The following KIAA1328 variants were observed in gnomAD, a reference collection of about 807,000 sequenced individuals.
KIAA1328 encodes KIAA1328.
Under a neutral mutation model 68.1 loss-of-function variants are expected in KIAA1328, and 52 were observed. That is an observed-to-expected ratio of 0.76 (90% CI 0.61 to 0.96). The LOEUF is 0.96. Among genes scored for constraint, KIAA1328 ranks in the 40% least tolerant of loss-of-function variants. The pLI is 0.00. For missense variants in KIAA1328, 641 were observed against 677.6 expected (o/e 0.95, Z 0.60); for synonymous variants, 232 against 239.4 (o/e 0.97, Z 0.28).
intron 9 of KIAA1328, among the ~76,000 whole-genome samples, chr18:37,190,449 A>G (rs2059884673): frequency 6.6e-6 from 1 of 152,184 alleles, no homozygotes; most frequent in African/African-American, 2.4e-5. Flanking sequence ...AGAGGAAGAA[A>G]TGGTTAAATG....
intron 9 of KIAA1328, among the ~76,000 whole-genome samples, chr18:37,216,899 C>CTTTTTTTTTTTTTTTTTTTT (rs762745405): frequency 1.1e-5 from 1 of 90,358 alleles, no homozygotes; most frequent in Non-Finnish European, 2.2e-5. Context: ...TTCTTTGTCT[C>CTTTTTTTTTTTTTTTTTTTT]TTTTTTTTTT....
chr18:37,140,898 G>C (rs2058751376), intron 7 of KIAA1328, among the ~76,000 whole-genome samples: 1 of 152,084 alleles, frequency 6.6e-6, no homozygotes, highest in African/African-American at 2.4e-5. Context: ...TGACAATTAG[G>C]TTTTGACTTT....
At chr18:36,892,977 G>A (rs1033543144) in intron 5 of KIAA1328, among the ~76,000 whole-genome samples, 1 of 151,988 alleles carries the variant, frequency 6.6e-6, no homozygotes, top group African/African-American at 2.4e-5. Flanking sequence ...CTAGGTGACC[G>A]TACCCCAAAC....
chr18:37,065,686 GTTTC>G (rs2056314901), intron 6 of KIAA1328, among the ~76,000 whole-genome samples: 2 of 152,244 alleles, frequency 1.3e-5, no homozygotes, highest in African/African-American at 4.8e-5. Context: ...GTTTGATTAA[GTTTC>G]TTTCTTACAC....
chr18:37,038,825 A>G (rs2055132910), intron 6 of KIAA1328, among the ~76,000 whole-genome samples: 2 of 152,316 alleles, frequency 1.3e-5, no homozygotes, highest in South Asian at 4.1e-4. Context: ...ACTATTAAGT[A>G]CATTAAATGA....
At chr18:36,973,406 T>C (rs1448528454) in intron 6 of KIAA1328, among the ~76,000 whole-genome samples, 1 of 152,084 alleles carries the variant, frequency 6.6e-6, no homozygotes, top group Non-Finnish European at 1.5e-5. Flanking sequence ...CACACAAATA[T>C]GGCACATGTA....
At chr18:36,938,215 A>G (rs2050578190) in intron 5 of KIAA1328, among the ~76,000 whole-genome samples, 1 of 152,132 alleles carries the variant, frequency 6.6e-6, no homozygotes, top group South Asian at 2.1e-4. Flanking sequence ...TACATTCGCA[A>G]GAACAGTTCA....
intron 5 of KIAA1328, among the ~76,000 whole-genome samples, chr18:36,888,619 A>T (rs1251033415): frequency 6.6e-6 from 1 of 152,084 alleles, no homozygotes; most frequent in Non-Finnish European, 1.5e-5. Flanking sequence ...CTTTATTATC[A>T]TGGAAGAAAG....
At position 37,188,619 on chromosome 18, in the gene KIAA1328, C is replaced by T. The variant is rs200738793; in HGVS notation, c.1523+15538C>T. ...GTTTCCCTTTGTTCCTGCTTCAGCG[C>T]TGCTAGAGCTTCATTGCTTTTCCAG... On this transcript the variant is annotated intron_variant, in intron 9 of 9. Transcript: ENST00000280020. Among the ~76,000 whole-genome samples, 17 of 152,320 alleles carry T rather than the reference C, an allele frequency of 1.1e-4. No homozygotes were observed. In the East Asian group the frequency reaches 3.3e-3, roughly 29 times the overall value.
chr18:37,137,313 T>C (rs544175655), intron 7 of KIAA1328, among the ~76,000 whole-genome samples: 1 of 152,144 alleles, frequency 6.6e-6, no homozygotes, highest in Non-Finnish European at 1.5e-5. Flanking sequence ...TCATTCCTTC[T>C]CTTCTGCCTA....
At chr18:37,061,144 A>G (rs1410731803) in intron 6 of KIAA1328, among the ~76,000 whole-genome samples, 2 of 152,224 alleles carry the variant, frequency 1.3e-5, no homozygotes, top group African/African-American at 4.8e-5. Flanking sequence ...AATACTACGC[A>G]GTGATAAAAA....
intron 3 of KIAA1328, among the ~76,000 whole-genome samples, chr18:36,836,540 ATTG>A (rs1345994106): frequency 6.6e-6 from 1 of 152,018 alleles, no homozygotes; most frequent in Admixed American, 6.6e-5. Flanking sequence ...CTTTTTTGAT[ATTG>A]TTGTCATACA....
intron 7 of KIAA1328, among the ~76,000 whole-genome samples, chr18:37,079,505 A>T (rs991000979): frequency 6.6e-6 from 1 of 151,324 alleles, no homozygotes; most frequent in Non-Finnish European, 1.5e-5. Context: ...ATAAAAATAA[A>T]AATAAAAAAA....
At chr18:37,153,818 T>G (rs1362880251) in intron 7 of KIAA1328, among the ~76,000 whole-genome samples, 1 of 150,382 alleles carries the variant, frequency 6.6e-6, no homozygotes, top group Non-Finnish European at 1.5e-5. Flanking sequence ...CAGCCTAGAT[T>G]TTATGGTCTT....
At position 36,959,386 on chromosome 18, in the gene KIAA1328, TC is replaced by T. The variant is rs1185140272; in HGVS notation, c.528del (p.Thr177ProfsTer36). On this transcript the variant is annotated frameshift_variant, in exon 6 of 10. Transcript: ENST00000280020. LOFTEE classifies it high-confidence loss of function. The stretch of plus-strand genomic sequence containing the variant: ...TATTTATCAGAACAACAGGAGAAGC[TC>T]ACCATGTCTCTCTCAGAACTTGGTG... ...QKYLSEQQEK[L>X]TMSLSELGAA... 1 of 1,608,886 alleles carries T rather than the reference TC, an allele frequency of 6.2e-7. No individual in the cohort carries two copies.
chr18:36,829,448 G>T, intron 1 of KIAA1328: 1 of 1,300,554 alleles, frequency 7.7e-7, no homozygotes, highest in Non-Finnish European at 9.7e-7. Context: ...CGGTGAGCTC[G>T]AGAAAGATAG....
chr18:37,216,498 G>A lies in KIAA1328; in HGVS notation c.1524-5519G>A, dbSNP rs1184534592. ...CCCTGAGTTTGAATTTGATTGCACC[G>A]TGGTTGTGATTTCTGCTCTTTTACA... On this transcript the variant is annotated intron_variant, in intron 9 of 9. Coordinates refer to ENST00000280020, the MANE Select transcript of KIAA1328 (RefSeq NM_020776.3). Among the ~76,000 whole-genome samples the A allele has an allele frequency of 5.3e-5, 8 of 151,034 alleles. No homozygotes were observed. In the South Asian group the frequency reaches 1.0e-3, roughly 20 times the overall value.
intron 8 of KIAA1328, among the ~76,000 whole-genome samples, chr18:37,172,748 T>C (rs1450376083): frequency 6.6e-6 from 1 of 152,204 alleles, no homozygotes; most frequent in East Asian, 1.9e-4. Flanking sequence ...AAATCTCTAG[T>C]TACTCTGTCA....
At chr18:37,106,325 G>A (rs769256245) in intron 7 of KIAA1328, among the ~76,000 whole-genome samples, 45 of 152,138 alleles carry the variant, frequency 3.0e-4, no homozygotes, top group Non-Finnish European at 5.4e-4. Context: ...TGCTGGAAGT[G>A]GGAACTAGGA....
Sources: allele counts gnomAD v4.1 joint callset (sites outside exome capture counted in the v4.1 genomes callset), GRCh38; gene constraint gnomAD v4.1.1; transcripts MANE v1.5; gene names NCBI Gene and HGNC (gene_info 2026-07-23, HGNC 2026-07-21).